ETV1: variants seen among roughly 807,000 people sequenced by gnomAD.
ETV1 encodes the protein ETS variant transcription factor 1.
A neutral mutation model predicts 62.3 loss-of-function variants in ETV1; 27 were observed. That is an observed-to-expected ratio of 0.43 (90% CI 0.32 to 0.60). The LOEUF is 0.60. Among genes scored for constraint, ETV1 ranks in the 20% least tolerant of loss-of-function variants. ETV1 has a pLI of 0.06. For missense variants in ETV1, 605 were observed against 605.8 expected, an observed-to-expected ratio of 1.00 and a Z score of 0.01; for synonymous variants, 222 against 199.6, an observed-to-expected ratio of 1.11 and a Z score of -0.94.
In ETV1 at chr7:13,893,905, A is replaced by G. The variant is rs1237747981; in HGVS notation, c.*1961T>C. ...TGGGCCAAAATAATACATGATGTATATGAACAACAATCATTGAAATCGCAG... is the reference window on the plus strand; with the variant it reads ...TGGGCCAAAATAATACATGATGTATGTGAACAACAATCATTGAAATCGCAG... On this transcript the variant is annotated 3_prime_UTR_variant, in exon 14 of 14. Transcript: ENST00000430479. The G allele has an allele frequency of 4.3e-6, 1 of 233,256 alleles. No individual in the cohort carries two copies. Among genetic ancestry groups the G allele is most frequent in the Non-Finnish European group, 8.5e-6 (1 of 117,818 alleles). The allele number at this position is 233,256 out of a possible 1,614,324, so 14.4% of individuals were successfully genotyped here. A position where few individuals can be genotyped will look rare whatever the true frequency, so the allele number is the denominator to read the frequency against.
At chr7:13,966,956 T>C (rs1363393942) in intron 6 of ETV1, among the ~76,000 whole-genome samples, 3 of 152,132 alleles carry the variant, frequency 2.0e-5, no homozygotes, top group African/African-American at 4.8e-5. Flanking sequence ...TGAATAAACA[T>C]CTAGAGTCTT....
At chr7:13,913,700 G>T (rs1487123630) in intron 9 of ETV1, among the ~76,000 whole-genome samples, 1 of 151,942 alleles carries the variant, frequency 6.6e-6, no homozygotes, top group Non-Finnish European at 1.5e-5. Context: ...ATCTTACTCT[G>T]CTGTTCTTAA....
chr7:13,931,815 C>A, intron 8 of ETV1, 66 bp from the exon 9 acceptor site: 1 of 1,572,598 alleles, frequency 6.4e-7, no homozygotes. Flanking sequence ...AATACGGATA[C>A]GGTTTTCCAT....
intron 11 of ETV1, among the ~76,000 whole-genome samples, chr7:13,909,422 A>C (rs1783330609): frequency 6.6e-6 from 1 of 152,184 alleles, no homozygotes; most frequent in Non-Finnish European, 1.5e-5. Flanking sequence ...TTCTCCAAAA[A>C]TGAACTCCCT....
chr7:13,905,207 T>C (rs1381948879), intron 12 of ETV1, among the ~76,000 whole-genome samples: 1 of 152,062 alleles, frequency 6.6e-6, no homozygotes, highest in Admixed American at 6.6e-5. Context: ...GGGCATATTA[T>C]CTGATTATAG....
chr7:13,986,820 AAG>A, intron 4 of ETV1, 135 bp from the exon 5 acceptor site: 1 of 706,138 alleles, frequency 1.4e-6, no homozygotes, highest in African/African-American at 1.8e-5. Context: ...AAATAAAAAA[AAG>A]AGGCATAACT....
At chr7:13,920,457 T>TGC (rs1205746933) in intron 9 of ETV1, among the ~76,000 whole-genome samples, 1 of 151,886 alleles carries the variant, frequency 6.6e-6, no homozygotes, top group Non-Finnish European at 1.5e-5. Context: ...TGTGTGTGTG[T>TGC]GTGTGTGTGT....
chr7:13,981,220 G>A (rs1206328231), intron 5 of ETV1, among the ~76,000 whole-genome samples: 2 of 152,062 alleles, frequency 1.3e-5, no homozygotes, highest in Admixed American at 6.6e-5. Flanking sequence ...AAACAAGGCG[G>A]AAGATGTATG....
chr7:13,918,640 C>T (rs868713655), intron 9 of ETV1, among the ~76,000 whole-genome samples: 3 of 151,334 alleles, frequency 2.0e-5, no homozygotes, highest in Non-Finnish European at 2.9e-5. Context: ...AACCAAACAC[C>T]GCATATTCTC....
At chr7:13,965,701 G>C (rs76481941) in intron 6 of ETV1, among the ~76,000 whole-genome samples, 9,663 of 152,170 alleles carry the variant, frequency 0.064, 416 homozygotes, top group South Asian at 0.16. Context: ...GAAATGTGTG[G>C]TGAGATAGGA....
At chr7:13,977,341 G>T in intron 6 of ETV1, 86 bp downstream of exon 6, 1 of 856,802 alleles carries the variant, frequency 1.2e-6, no homozygotes, top group South Asian at 1.6e-5. Flanking sequence ...ACAAGACACT[G>T]GACGTGAAAA....
intron 6 of ETV1, among the ~76,000 whole-genome samples, chr7:13,942,579 G>T (rs1335024271): frequency 6.6e-6 from 1 of 151,958 alleles, no homozygotes; most frequent in Non-Finnish European, 1.5e-5. Context: ...TCCTCAAGTA[G>T]CCCCCAGTGT....
intron 3 of ETV1, chr7:13,988,380 A>G: frequency 3.4e-6 from 2 of 583,096 alleles, no homozygotes; most frequent in Non-Finnish European, 6.0e-6. Flanking sequence ...GCAGGCAGGG[A>G]GAGTTGCTTC....
At chr7:13,937,559 T>C (rs1346026110) in intron 7 of ETV1, among the ~76,000 whole-genome samples, 1 of 152,186 alleles carries the variant, frequency 6.6e-6, no homozygotes, top group Non-Finnish European at 1.5e-5. Context: ...TATAAAACAG[T>C]GATGATTTCA....
At position 13,909,576 on chromosome 7, in the gene ETV1, A is replaced by C; in HGVS notation, c.940+56T>G. On this transcript the variant is annotated intron_variant, in intron 11 of 13. Coordinates refer to ENST00000430479, the MANE Select transcript of ETV1 (RefSeq NM_004956.5). ...TGTCCACTGTTTTCAGAAGAAGCGA[A>C]GGTAATCACTCCATCTTTAAAAAAA... The C allele has an allele frequency of 3.2e-6, 4 of 1,241,032 alleles. No homozygotes were observed. In the East Asian group the frequency reaches 9.3e-5, roughly 29 times the overall value. 76.9% of individuals were successfully genotyped at this position (1,241,032 alleles called of 1,614,324 possible). A position where few individuals can be genotyped will look rare whatever the true frequency, so the allele number is the denominator to read the frequency against.
intron 6 of ETV1, among the ~76,000 whole-genome samples, chr7:13,973,938 A>C (rs1331008863): frequency 6.6e-6 from 1 of 152,204 alleles, no homozygotes; most frequent in Non-Finnish European, 1.5e-5. Context: ...AAGCACTAAG[A>C]AGGTGATCAT....
chr7:13,929,769 C>A (rs538589507), intron 9 of ETV1, among the ~76,000 whole-genome samples: 17 of 152,286 alleles, frequency 1.1e-4, no homozygotes, highest in African/African-American at 3.6e-4. Flanking sequence ...GGGGAGCTTG[C>A]ATGCTTTCTA....
At chr7:13,983,083 T>A (rs1277628959) in intron 5 of ETV1, among the ~76,000 whole-genome samples, 2 of 147,144 alleles carry the variant, frequency 1.4e-5, no homozygotes, top group Admixed American at 1.3e-4. Context: ...TGTAGAAAGG[T>A]TGTTCTTGCA....
At chr7:13,896,236 TA>T (rs5882422) in intron 13 of ETV1, 149 bp from the exon 14 acceptor site, 21,767 of 454,400 alleles carry the variant, frequency 0.048, no homozygotes, top group Middle Eastern at 0.086. Flanking sequence ...CAGATACACA[TA>T]AAAAAAAAAA....
Sources: gnomAD v4.1 joint callset for allele counts (sites outside exome capture counted in the v4.1 genomes callset) on GRCh38, gnomAD v4.1.1 for gene constraint, MANE v1.5 for transcripts, NCBI Gene and HGNC (gene_info 2026-07-23, HGNC 2026-07-21) for gene names.